ARHGEF28: variants seen among roughly 807,000 people sequenced by gnomAD.
The protein encoded by ARHGEF28 is Rho guanine nucleotide exchange factor 28.
ARHGEF28 carries 152 observed loss-of-function variants against 206.6 expected under a neutral mutation model. That is an observed-to-expected ratio of 0.74 (90% confidence interval 0.64 to 0.84). The LOEUF (loss-of-function observed/expected upper bound fraction) is 0.84, where lower values mean the gene tolerates loss of function less well. ARHGEF28 is among the 40% of genes least tolerant of loss of function. The pLI is 0.00. For missense variants in ARHGEF28, 2,028 were observed against 2,073.2 expected (o/e 0.98, Z 0.42); for synonymous variants, 763 against 776.4 (o/e 0.98, Z 0.29).
At chr5:73,800,627 CA>C (rs1316477689) in intron 9 of ARHGEF28, among the ~76,000 whole-genome samples, 4 of 149,452 alleles carry the variant, frequency 2.7e-5, no homozygotes, top group Non-Finnish European at 5.9e-5. Flanking sequence ...AACTTCATAC[CA>C]AAAAAAACAA....
chr5:73,757,668 T>C (rs1752388779), intron 4 of ARHGEF28, among the ~76,000 whole-genome samples: 1 of 152,182 alleles, frequency 6.6e-6, no homozygotes, highest in Admixed American at 6.5e-5. Context: ...AACTTCATTA[T>C]GTGTTTGAGG....
intron 34 of ARHGEF28, 69 bp downstream of exon 34, chr5:73,909,966 C>T: frequency 4.9e-6 from 7 of 1,439,960 alleles, no homozygotes; most frequent in Non-Finnish European, 6.3e-6. Flanking sequence ...GCTCCTAGGA[C>T]ACTAACCAAA....
At chr5:73,804,848 G>A (rs1755348150) in intron 9 of ARHGEF28, among the ~76,000 whole-genome samples, 1 of 152,182 alleles carries the variant, frequency 6.6e-6, no homozygotes, top group Non-Finnish European at 1.5e-5. Flanking sequence ...CCTGGCTGAG[G>A]TAGTGTTGGT....
chr5:73,909,237 C>A (rs1300101308), intron 33 of ARHGEF28, 175 bp from the exon 34 acceptor site: 1 of 857,266 alleles, frequency 1.2e-6, no homozygotes, highest in African/African-American at 1.7e-5. Flanking sequence ...TGTAGACACA[C>A]CTCTCTGGAA....
intron 5 of ARHGEF28, among the ~76,000 whole-genome samples, chr5:73,774,483 A>G (rs1012517246): frequency 2.0e-5 from 3 of 152,228 alleles, no homozygotes; most frequent in Non-Finnish European, 4.4e-5. Flanking sequence ...ACCCATTGCA[A>G]TGCTCTAGTA....
intron 4 of ARHGEF28, among the ~76,000 whole-genome samples, chr5:73,766,720 G>T (rs944062431): frequency 1.6e-4 from 24 of 152,128 alleles, no homozygotes; most frequent in African/African-American, 5.6e-4. Context: ...ATTAACCAAG[G>T]TCTCCAGAAC....
At chr5:73,915,940 A>T (rs533864498) in intron 35 of ARHGEF28, among the ~76,000 whole-genome samples, 2 of 152,336 alleles carry the variant, frequency 1.3e-5, no homozygotes, top group South Asian at 4.1e-4. Context: ...TAATATAGAT[A>T]CTGGGAAAAA....
At chr5:73,889,360 A>G (rs1761491572) in intron 26 of ARHGEF28, among the ~76,000 whole-genome samples, 1 of 152,226 alleles carries the variant, frequency 6.6e-6, no homozygotes, top group South Asian at 2.1e-4. Flanking sequence ...CCTACAAGAC[A>G]GTTTTGCTTT....
intron 5 of ARHGEF28, 55 bp downstream of exon 5, chr5:73,774,093 T>G: frequency 6.8e-7 from 1 of 1,466,390 alleles, no homozygotes; most frequent in Non-Finnish European, 9.1e-7. Context: ...CGGCCAAGCA[T>G]TATAGAAAAA....
intron 1 of ARHGEF28, among the ~76,000 whole-genome samples, chr5:73,643,813 T>TC (rs1554050000): frequency 1.1e-5 from 1 of 87,396 alleles, no homozygotes; most frequent in Non-Finnish European, 2.0e-5. Context: ...AGGCCCTGTC[T>TC]CAAAAAAAAA....
At chr5:73,898,118 A>G in intron 30 of ARHGEF28, 25 bp downstream of exon 30, 1 of 1,606,930 alleles carries the variant, frequency 6.2e-7, no homozygotes, top group Non-Finnish European at 8.5e-7. Flanking sequence ...AGGCCTTGGC[A>G]ATGAGCCTGA....
chr5:73,721,252 G>A (rs1749922905), intron 2 of ARHGEF28, among the ~76,000 whole-genome samples: 1 of 152,082 alleles, frequency 6.6e-6, no homozygotes, highest in South Asian at 2.1e-4. Context: ...GTGTCTGTGG[G>A]GACTCTGTAG....
intron 24 of ARHGEF28, among the ~76,000 whole-genome samples, chr5:73,885,599 C>G (rs955450231): frequency 6.6e-6 from 1 of 151,592 alleles, no homozygotes; most frequent in African/African-American, 2.4e-5. Context: ...ACCTAAGCCT[C>G]TTGAGTAGCT....
Position 73,626,291 on chromosome 5 carries a change from G to A in ARHGEF28, c.-43G>A, listed in dbSNP as rs1319761811. 2 of 152,160 alleles carry A rather than the reference G, an allele frequency of 1.3e-5. No homozygotes were observed. The highest frequency in any genetic ancestry group is 4.8e-5 in the African/African-American group (2 of 41,442). The allele number at this position is 152,160 out of a possible 1,614,324, so 9.4% of individuals were successfully genotyped here. On this transcript the variant is annotated 5_prime_UTR_variant, in exon 1 of 36. Transcript: ENST00000513042. ...AGGGCGCGGGGGCAGAGCCTCGCCTGGGTTCTGGAGGCTGCGGGGCCATCG... is the reference window on the plus strand; with the variant it reads ...AGGGCGCGGGGGCAGAGCCTCGCCTAGGTTCTGGAGGCTGCGGGGCCATCG...
At position 73,671,644 on chromosome 5, in the gene ARHGEF28, G is replaced by A. The variant is rs1402763095; in HGVS notation, c.-11-13197G>A. ...AGAAACAATACAGCGATACTTAGGT[G>A]TGCCCAAGCAGAGAATTGTCAGTAT... On this transcript the variant is annotated intron_variant, in intron 1 of 35. Transcript: ENST00000513042. 2.1e-4 allele frequency among the ~76,000 whole-genome samples: 30 copies of A among 143,478 alleles called. No individual in the cohort carries two copies. In the Admixed American group the frequency reaches 2.1e-3, roughly 10 times the overall value. 94.1% of individuals were successfully genotyped at this position (143,478 alleles called of 152,430 possible).
chr5:73,873,525 G>T (rs1760245402), intron 22 of ARHGEF28, among the ~76,000 whole-genome samples: 1 of 152,140 alleles, frequency 6.6e-6, no homozygotes. Flanking sequence ...GAATTCACCT[G>T]AATGTCACGT....
At chr5:73,647,977 G>A (rs1226473346) in intron 1 of ARHGEF28, among the ~76,000 whole-genome samples, 2 of 152,218 alleles carry the variant, frequency 1.3e-5, no homozygotes, top group African/African-American at 4.8e-5. Flanking sequence ...TTAGTTGAGT[G>A]AATGATTGAA....
intron 9 of ARHGEF28, among the ~76,000 whole-genome samples, chr5:73,800,067 G>A (rs1755044259): frequency 6.6e-6 from 1 of 152,106 alleles, no homozygotes; most frequent in African/African-American, 2.4e-5. Flanking sequence ...GAAAAATTGG[G>A]AATTTTAGAA....
At position 73,835,735 on chromosome 5, in the gene ARHGEF28, AC is replaced by A. The variant is rs1396824882; in HGVS notation, c.1146+3280del. Among the ~76,000 whole-genome samples, 5 of 152,106 alleles carry A rather than the reference AC, an allele frequency of 3.3e-5. No individual in the cohort carries two copies. In the East Asian group the frequency reaches 9.7e-4, roughly 29 times the overall value. On this transcript the variant is annotated intron_variant, in intron 10 of 35. Transcript: ENST00000513042. ...TTGAACCTGAGGAGGGGCTGTGGGA[AC>A]CCCATTTTATAGCTGGTTGATAAAA...
Sources: allele counts gnomAD v4.1 joint callset (sites outside exome capture counted in the v4.1 genomes callset), GRCh38; gene constraint gnomAD v4.1.1; transcripts MANE v1.5; gene names NCBI Gene and HGNC (gene_info 2026-07-23, HGNC 2026-07-21).